The following SIPA1L3 variants were observed in gnomAD, a reference collection of about 807,000 sequenced individuals.
The protein encoded by SIPA1L3 is signal-induced proliferation-associated 1-like protein 3.
A neutral mutation model predicts 150.1 loss-of-function variants in SIPA1L3; 59 were observed. The observed-to-expected ratio is 0.39, with a 90% confidence interval of 0.32 to 0.49. The LOEUF is 0.49. Ranked by LOEUF, SIPA1L3 falls within the 20% of genes least tolerant of loss-of-function variation. The probability of loss-of-function intolerance (pLI) is 0.86; values close to 1 mark genes in which losing one functional copy is unlikely to be tolerated. For synonymous variants in SIPA1L3, 1,070 were observed against 1,077.6 expected, an observed-to-expected ratio of 0.99 and a Z score of 0.14; for missense variants, 2,211 against 2,489.5, an observed-to-expected ratio of 0.89 and a Z score of 2.38.
intron 12 of SIPA1L3, among the ~76,000 whole-genome samples, chr19:38,147,643 C>A (rs1034697799): frequency 6.6e-6 from 1 of 152,074 alleles, no homozygotes; most frequent in African/African-American, 2.4e-5. Flanking sequence ...AAGGTTACCC[C>A]CACTCCACTG....
At chr19:37,956,211 G>A (rs1212407258) in intron 1 of SIPA1L3, among the ~76,000 whole-genome samples, 1 of 152,214 alleles carries the variant, frequency 6.6e-6, no homozygotes, top group African/African-American at 2.4e-5. Context: ...ATCCTGGTGG[G>A]TGTGCAGTGG....
intron 2 of SIPA1L3, among the ~76,000 whole-genome samples, chr19:38,076,854 A>G (rs927404496): frequency 1.3e-5 from 2 of 152,252 alleles, no homozygotes; most frequent in African/African-American, 4.8e-5. Flanking sequence ...CAGCAGGCAC[A>G]AAAACCTTGC....
Position 38,090,857 on chromosome 19 carries a change from G to A in SIPA1L3, c.1665+2006G>A, listed in dbSNP as rs561289549. Among the ~76,000 whole-genome samples the A allele has an allele frequency of 2.6e-5, 4 of 152,316 alleles. No homozygotes were observed. In the East Asian group the frequency reaches 7.7e-4, roughly 29 times the overall value. ...GACCAAGACCTTCCCACTGAGTTGG[G>A]GGAATGGGATGGCATGGAGGCTTTG... On this transcript the variant is annotated intron_variant, in intron 4 of 21. Coordinates refer to ENST00000222345, the MANE Select transcript of SIPA1L3 (RefSeq NM_015073.3).
intron 4 of SIPA1L3, among the ~76,000 whole-genome samples, chr19:38,097,547 A>G (rs933539061): frequency 3.3e-5 from 5 of 152,138 alleles, no homozygotes; most frequent in African/African-American, 1.2e-4. Flanking sequence ...CTTTGGCCTC[A>G]CATCTATGTG....
intron 1 of SIPA1L3, among the ~76,000 whole-genome samples, chr19:37,947,645 G>A (rs1181096645): frequency 6.6e-6 from 1 of 152,060 alleles, no homozygotes; most frequent in Non-Finnish European, 1.5e-5. Context: ...GTCTCCTGCC[G>A]TAACTCAATG....
chr19:37,945,801 CTTAAGTT>C (rs1428148413), intron 1 of SIPA1L3, among the ~76,000 whole-genome samples: 3 of 152,136 alleles, frequency 2.0e-5, no homozygotes, highest in African/African-American at 7.2e-5. Flanking sequence ...TTGTTTGCTT[CTTAAGTT>C]TTTCTTGGGA....
intron 3 of SIPA1L3, 70 bp downstream of exon 3, chr19:38,083,169 T>G (rs1055870063): frequency 7.2e-7 from 1 of 1,393,672 alleles, no homozygotes; most frequent in African/African-American, 1.4e-5. Flanking sequence ...CACTACTCAT[T>G]CATTCACTCT....
intron 10 of SIPA1L3, among the ~76,000 whole-genome samples, chr19:38,130,989 C>A (rs966262398): frequency 6.6e-6 from 1 of 152,202 alleles, no homozygotes; most frequent in African/African-American, 2.4e-5. Flanking sequence ...CGTGCATGAT[C>A]GCATTTAATC....
chr19:38,122,080 G>A (rs1169313042), intron 9 of SIPA1L3, among the ~76,000 whole-genome samples: 1 of 151,970 alleles, frequency 6.6e-6, no homozygotes, highest in Non-Finnish European at 1.5e-5. Context: ...AATTAGCCAG[G>A]CGTGGTGGCA....
At chr19:38,192,748 C>T (rs1017081154) in intron 17 of SIPA1L3, among the ~76,000 whole-genome samples, 1 of 152,178 alleles carries the variant, frequency 6.6e-6, no homozygotes, top group Admixed American at 6.5e-5. Flanking sequence ...ATCCACTTCC[C>T]TTCCCCTCCC....
chr19:38,175,886 C>T (rs753454199), intron 15 of SIPA1L3, among the ~76,000 whole-genome samples: 5 of 152,114 alleles, frequency 3.3e-5, no homozygotes, highest in African/African-American at 4.8e-5. Flanking sequence ...TTCAGGAGGA[C>T]GCATGGGCAC....
intron 10 of SIPA1L3, among the ~76,000 whole-genome samples, chr19:38,138,510 C>T (rs1971487918): frequency 6.6e-6 from 1 of 152,216 alleles, no homozygotes; most frequent in Non-Finnish European, 1.5e-5. Context: ...GACTCAGACA[C>T]CCTCACCAGG....
chr19:38,069,213 G>A (rs2145795678), intron 2 of SIPA1L3, among the ~76,000 whole-genome samples: 1 of 152,312 alleles, frequency 6.6e-6, no homozygotes, highest in Non-Finnish European at 1.5e-5. Context: ...AATTCTGCCT[G>A]GCTTTAGTGG....
At chr19:38,053,987 A>G (rs779205133) in intron 2 of SIPA1L3, among the ~76,000 whole-genome samples, 2 of 152,076 alleles carry the variant, frequency 1.3e-5, no homozygotes, top group African/African-American at 4.8e-5. Flanking sequence ...CTGAGGCACA[A>G]AGAGATTTAA....
At chr19:38,174,599 C>T (rs1972398077) in intron 15 of SIPA1L3, among the ~76,000 whole-genome samples, 2 of 152,078 alleles carry the variant, frequency 1.3e-5, no homozygotes, top group Non-Finnish European at 1.5e-5. Context: ...CCTCTCATCC[C>T]AGCACTTTGG....
In SIPA1L3 at chr19:37,981,148, G is replaced by C. The variant is rs373710892; in HGVS notation, c.-378-47941G>C. 1.2e-4 allele frequency among the ~76,000 whole-genome samples: 19 copies of C among 152,286 alleles called. 1 individual carries two copies. In the South Asian group the frequency reaches 3.5e-3, roughly 28 times the overall value. On this transcript the variant is annotated intron_variant, in intron 1 of 21. Coordinates refer to ENST00000222345, the MANE Select transcript of SIPA1L3 (RefSeq NM_015073.3). ...TAGTATAGCTCATGATTAAAGGTTT[G>C]GGGATTCTGTGAAGTGCCTTATGCC...
intron 15 of SIPA1L3, among the ~76,000 whole-genome samples, chr19:38,178,687 A>G (rs1972497505): frequency 6.6e-6 from 1 of 152,084 alleles, no homozygotes; most frequent in Non-Finnish European, 1.5e-5. Context: ...TGTGTTAGCC[A>G]GGATGGTCTC....
intron 9 of SIPA1L3, among the ~76,000 whole-genome samples, chr19:38,122,757 C>T (rs1371445857): frequency 3.3e-5 from 5 of 152,190 alleles, no homozygotes; most frequent in African/African-American, 4.8e-5. Flanking sequence ...CATGCTAGGG[C>T]GGCGTCCAGC....
At chr19:38,039,016 T>C (rs1193357381) in intron 2 of SIPA1L3, among the ~76,000 whole-genome samples, 1 of 152,136 alleles carries the variant, frequency 6.6e-6, no homozygotes, top group African/African-American at 2.4e-5. Flanking sequence ...CCTGAGTAGC[T>C]GGACCACAGG....
Sources: gnomAD v4.1 joint callset for allele counts (sites outside exome capture counted in the v4.1 genomes callset) on GRCh38, gnomAD v4.1.1 for gene constraint, MANE v1.5 for transcripts, NCBI Gene and HGNC (gene_info 2026-07-23, HGNC 2026-07-21) for gene names.